KIAA2012: variants seen among roughly 807,000 people sequenced by gnomAD.
The protein encoded by KIAA2012 is KIAA2012.
A neutral mutation model predicts 150.6 loss-of-function variants in KIAA2012; 125 were observed. That is an observed-to-expected ratio of 0.83 (90% confidence interval 0.72 to 0.96). KIAA2012 has a LOEUF of 0.96. Ranked by LOEUF, KIAA2012 falls within the 40% of genes least tolerant of loss-of-function variation. The pLI is 0.00. For synonymous variants in KIAA2012, 462 were observed against 504.7 expected (o/e 0.92, Z 1.13); for missense variants, 1,219 against 1,354.9 (o/e 0.90, Z 1.57).
chr2:202,074,899 G>T lies in KIAA2012; in HGVS notation c.93G>T (p.Leu31Phe). 1 of 1,545,782 alleles carries T rather than the reference G, an allele frequency of 6.5e-7. No individual in the cohort carries two copies. Among genetic ancestry groups the T allele is most frequent in the South Asian group, 1.2e-5 (1 of 83,028 alleles). The change falls in exon 2 of 24, where the codon TTG (leucine) becomes TTT (phenylalanine). Residue 31 changes from leucine to phenylalanine, a missense_variant. Coordinates refer to ENST00000498697, the MANE Select transcript of KIAA2012 (RefSeq NM_001277372.4). ...LEVYFEPEDYLNWRSPEDYVP... is the reference protein window; with the variant it reads ...LEVYFEPEDYFNWRSPEDYVP... ...GCTGCTTCTCATTGCAGGATTACTT[G>T]AACTGGAGGTCCCCAGAAGACTATG... is the stretch of plus-strand genomic sequence containing the variant.
At chr2:202,201,562 CG>C in intron 22 of KIAA2012, 1 of 1,610,456 alleles carries the variant, frequency 6.2e-7, no homozygotes, top group Non-Finnish European at 8.5e-7. Flanking sequence ...GCATCATACC[CG>C]CCTTCCACCA....
chr2:202,154,916 C>A, intron 14 of KIAA2012, 106 bp downstream of exon 14: 2 of 1,275,008 alleles, frequency 1.6e-6, no homozygotes, highest in Non-Finnish European at 2.1e-6. Context: ...TCCCTCAGAG[C>A]TCCTGCATTA....
chr2:202,078,657 CTTTT>C (rs1162749735), intron 2 of KIAA2012, among the ~76,000 whole-genome samples: 2 of 152,054 alleles, frequency 1.3e-5, no homozygotes, highest in African/African-American at 4.8e-5. Flanking sequence ...TGTTCATTAA[CTTTT>C]TTTGAGTAGT....
chr2:202,165,432 T>A, intron 15 of KIAA2012, 76 bp downstream of exon 15: 1 of 1,419,832 alleles, frequency 7.0e-7, no homozygotes, highest in Non-Finnish European at 9.7e-7. Context: ...TAAAAGATGT[T>A]AATGGGAGGC....
intron 5 of KIAA2012, among the ~76,000 whole-genome samples, chr2:202,098,334 T>TG (rs1327708888): frequency 1.3e-5 from 2 of 152,218 alleles, no homozygotes; most frequent in Non-Finnish European, 2.9e-5. Flanking sequence ...CACTCCAGCC[T>TG]GGGCAACAGA....
intron 2 of KIAA2012, among the ~76,000 whole-genome samples, chr2:202,088,850 C>T (rs1689647855): frequency 2.6e-5 from 4 of 152,176 alleles, no homozygotes; most frequent in Admixed American, 2.6e-4. Context: ...TTCCAGAACC[C>T]ATGCACTCTC....
At chr2:202,114,493 G>T (rs932532685) in intron 11 of KIAA2012, 25 of 167,158 alleles carry the variant, frequency 1.5e-4, no homozygotes, top group African/African-American at 6.0e-4. Flanking sequence ...CACAGCTGGT[G>T]CAACAGCTGG....
rs1228308677 is a variant in KIAA2012 at position 202,104,388 on chromosome 2, A to G, written c.1324+1274A>G. On this transcript the variant is annotated intron_variant, in intron 8 of 23. Transcript: ENST00000498697. The surrounding 1 kb of genome is among the most constrained non-coding windows in gnomAD (Gnocchi z 4.3). ...CAGATCAGGAGACAGTTGGCACTGA[A>G]AAGATAGTTTGTTACTCACAGTTCC... is the stretch of plus-strand genomic sequence containing the variant. Among the ~76,000 whole-genome samples the G allele has an allele frequency of 6.6e-6, 1 of 152,204 alleles. No individual in the cohort carries two copies. Among genetic ancestry groups the G allele is most frequent in the Non-Finnish European group, 1.5e-5 (1 of 68,034 alleles).
intron 12 of KIAA2012, among the ~76,000 whole-genome samples, chr2:202,126,623 G>A (rs1478697783): frequency 5.1e-5 from 1 of 19,516 alleles, no homozygotes; most frequent in Non-Finnish European, 9.4e-5. Context: ...GATGATGGTG[G>A]TGGTGGTGGT....
chr2:202,154,879 T>C, intron 14 of KIAA2012, 69 bp downstream of exon 14: 2 of 1,472,060 alleles, frequency 1.4e-6, no homozygotes, highest in African/African-American at 1.4e-5. Flanking sequence ...AATACACTTC[T>C]GCATGGTACA....
intron 11 of KIAA2012, among the ~76,000 whole-genome samples, chr2:202,124,022 C>G (rs1372129898): frequency 6.6e-6 from 1 of 151,996 alleles, no homozygotes; most frequent in Non-Finnish European, 1.5e-5. Flanking sequence ...AACCCTGTTT[C>G]TACTAAAAAT....
intron 2 of KIAA2012, among the ~76,000 whole-genome samples, chr2:202,078,875 C>A (rs567849682): frequency 1.3e-5 from 2 of 152,222 alleles, no homozygotes; most frequent in South Asian, 4.1e-4. Context: ...GAAAACATCA[C>A]CTCTCTAATA....
At chr2:202,121,948 C>A (rs1690663449) in intron 11 of KIAA2012, among the ~76,000 whole-genome samples, 1 of 152,136 alleles carries the variant, frequency 6.6e-6, no homozygotes. Context: ...TTTACACTGA[C>A]CTTTGAGAAA....
intron 12 of KIAA2012, among the ~76,000 whole-genome samples, chr2:202,126,852 T>G (rs1690802865): frequency 6.6e-6 from 1 of 152,188 alleles, no homozygotes; most frequent in Non-Finnish European, 1.5e-5. Context: ...AAAGTTAGGA[T>G]TTGAACCCAA....
chr2:202,178,384 C>T (rs1692040810), intron 15 of KIAA2012, among the ~76,000 whole-genome samples: 1 of 152,148 alleles, frequency 6.6e-6, no homozygotes, highest in South Asian at 2.1e-4. Flanking sequence ...TTCGTTTGTT[C>T]CAATACTTCC....
chr2:202,145,104 C>T (rs1007992524), intron 13 of KIAA2012, among the ~76,000 whole-genome samples: 1 of 152,158 alleles, frequency 6.6e-6, no homozygotes, highest in Non-Finnish European at 1.5e-5. Flanking sequence ...TTGGTCTCCA[C>T]ACCAATGCCT....
At chr2:202,096,520 G>A (rs1351358746) in intron 4 of KIAA2012, among the ~76,000 whole-genome samples, 1 of 152,130 alleles carries the variant, frequency 6.6e-6, no homozygotes, top group Non-Finnish European at 1.5e-5. Flanking sequence ...CCCACCTGTG[G>A]GCAATTGACT....
chr2:202,100,188 T>C (rs1015465826), intron 6 of KIAA2012, 119 bp from the exon 7 acceptor site: 8 of 1,098,820 alleles, frequency 7.3e-6, no homozygotes, highest in Non-Finnish European at 1.0e-5. Context: ...GCTGTCCCAG[T>C]GCCCCAGCAC....
intron 15 of KIAA2012, among the ~76,000 whole-genome samples, chr2:202,183,450 T>A (rs1376278514): frequency 7.4e-6 from 1 of 135,696 alleles, no homozygotes; most frequent in Admixed American, 8.1e-5. Context: ...ATTTGTTTTT[T>A]GGGGGGTTTT....
Sources: gnomAD v4.1 joint callset for allele counts (sites outside exome capture counted in the v4.1 genomes callset) on GRCh38, gnomAD v4.1.1 for gene constraint, Gnocchi (gnomAD v3.1) non-coding constraint, MANE v1.5 for transcripts, NCBI Gene and HGNC (gene_info 2026-07-23, HGNC 2026-07-21) for gene names.